The following RAPGEF6 variants were observed in gnomAD, a reference collection of about 807,000 sequenced individuals.
The protein encoded by RAPGEF6 is PDZ domain containing guanine nucleotide exchange factor (GEF) 2.
In RAPGEF6, 56 loss-of-function variants were observed where a neutral mutation model predicts 171.4. That is an observed-to-expected ratio of 0.33 (90% confidence interval 0.26 to 0.41). The LOEUF (loss-of-function observed/expected upper bound fraction) is 0.41, where lower values mean the gene tolerates loss of function less well. RAPGEF6 is among the 10% of genes least tolerant of loss of function. The pLI is 1.00. For missense variants in RAPGEF6, 1,674 were observed against 1,921.4 expected (o/e 0.87, Z 2.41); for synonymous variants, 692 against 650.1 (o/e 1.06, Z -0.98).
chr5:131,447,067 G>C lies in RAPGEF6; in HGVS notation c.3201-364C>G, dbSNP rs150123560. ...ATGGCAAGAGTCTGGACCACGACAA[G>C]TCCATCCTCAGCCGAATCTCTGAAC... On this transcript the variant is annotated intron_variant, in intron 21 of 27. Coordinates refer to ENST00000509018, the MANE Select transcript of RAPGEF6 (RefSeq NM_016340.6). 453 of 185,584 alleles carry C rather than the reference G, an allele frequency of 2.4e-3. 2 individuals carry two copies. The highest frequency in any genetic ancestry group is 3.8e-3 in the Admixed American group (70 of 18,346). The allele number at this position is 185,584 out of a possible 1,614,324, so 11.5% of individuals were successfully genotyped here.
rs1751545390 is a variant in RAPGEF6 at position 131,429,104 on chromosome 5, G to A, written c.4578C>T (p.His1526=). The A allele has an allele frequency of 5.0e-6, 8 of 1,614,158 alleles. No homozygotes were observed. The highest frequency in any genetic ancestry group is 2.2e-5 in the South Asian group (2 of 91,088). Residue 1526 remains histidine (H), a synonymous_variant, in exon 27 of 28, where the codon CAC becomes CAT. Transcript: ENST00000509018. ...LADLKEGPHT[H]LKPPDYSVAV... is the part of the protein sequence containing the mutation. ...CCACACTATAATCTGGAGGTTTTAG[G>A]TGTGTGTGGGGTCCTTCCTTTAGGT...
At position 131,635,125 on chromosome 5, in the gene RAPGEF6, A is replaced by G; in HGVS notation, c.-95T>C. ...GGGTGCGGTACCTTTCCCCCGCCCC[A>G]AGGAGGGAACTTCGCGCCGTAACAA... On this transcript the variant is annotated 5_prime_UTR_variant, in exon 1 of 28. Coordinates refer to ENST00000509018, the MANE Select transcript of RAPGEF6 (RefSeq NM_016340.6). 7.7e-7 allele frequency: 1 copy of G among 1,301,624 alleles called. No individual in the cohort carries two copies. The allele number at this position is 1,301,624 out of a possible 1,614,324, so 80.6% of individuals were successfully genotyped here.
rs111943593 is a variant in RAPGEF6, at chr5:131,456,344, A to G, written c.2865-332T>C. 3.4e-3 allele frequency among the ~76,000 whole-genome samples: 512 copies of G among 152,316 alleles called. 2 individuals are homozygous for G. Among genetic ancestry groups the G allele is most frequent in the African/African-American group, 0.012 (491 of 41,572 alleles). ...TCACAATGTTGCTTGTTTTACTTAG[A>G]AATAACTTTATGGAGACATTACCTA... is the stretch of plus-strand genomic sequence containing the variant. On this transcript the variant is annotated intron_variant, in intron 19 of 27. Transcript: ENST00000509018.
chr5:131,501,875 GTGTA>G (rs1477991198), intron 11 of RAPGEF6, among the ~76,000 whole-genome samples: 1 of 152,102 alleles, frequency 6.6e-6, no homozygotes, highest in Non-Finnish European at 1.5e-5. Flanking sequence ...AGTTATAGAT[GTGTA>G]TGTGTTTATA....
At chr5:131,439,973 TC>T (rs751658923) in intron 23 of RAPGEF6, 32 of 542,326 alleles carry the variant, frequency 5.9e-5, no homozygotes, top group Non-Finnish European at 9.5e-5. Flanking sequence ...ATAAGGGAAA[TC>T]AATTTAACAG....
At chr5:131,449,904 T>C (rs1752950574) in intron 21 of RAPGEF6, 1 of 1,114,008 alleles carries the variant, frequency 9.0e-7, no homozygotes, top group Non-Finnish European at 1.3e-6. Flanking sequence ...GTCAGGAATG[T>C]AGGCTGACAG....
intron 6 of RAPGEF6, among the ~76,000 whole-genome samples, chr5:131,527,588 T>C (rs529035908): frequency 6.6e-6 from 1 of 152,194 alleles, no homozygotes; most frequent in East Asian, 1.9e-4. Flanking sequence ...TTAGGGTACC[T>C]ACTGTTAAGA....
chr5:131,446,619 C>T lies in RAPGEF6; in HGVS notation c.3285G>A (p.Leu1095=), dbSNP rs371885543. The T allele has an allele frequency of 1.2e-6, 2 of 1,614,104 alleles. No individual in the cohort carries two copies. Among genetic ancestry groups the T allele is most frequent in the Non-Finnish European group, 1.7e-6 (2 of 1,180,028 alleles). ...AHKKRARRSS[L]LNAKKLYEDA... is the part of the protein sequence containing the mutation. ...CCTCATATAGCTTCTTGGCATTAAG[C>T]AGAGAGCTGCGGCGTGCCCTTTTTT... The change falls in exon 22 of 28, where the codon CTG becomes CTA. Residue 1095 remains leucine (L), a synonymous_variant. Transcript: ENST00000509018.
chr5:131,493,178 C>T (rs1756406675), intron 13 of RAPGEF6, among the ~76,000 whole-genome samples: 1 of 152,130 alleles, frequency 6.6e-6, no homozygotes, highest in Admixed American at 6.5e-5. Flanking sequence ...CATTCTCCTG[C>T]CTCAGCCTCC....
intron 17 of RAPGEF6, 102 bp downstream of exon 17, chr5:131,472,485 A>C: frequency 7.6e-7 from 1 of 1,317,950 alleles, no homozygotes; most frequent in Non-Finnish European, 1.1e-6. Flanking sequence ...ATCTAGAGTT[A>C]AGAGGGCTGC....
At position 131,505,540 on chromosome 5, in the gene RAPGEF6, G is replaced by A; in HGVS notation, c.943-18C>T. On this transcript the variant is annotated intron_variant, in intron 9 of 27. Transcript: ENST00000509018. ...GAGTCAAGCTATAGAGAAAAACAAA[G>A]GTTTTATGAATCTTTTTAAAAAAGG... 6.3e-7 allele frequency: 1 copy of A among 1,594,792 alleles called. No homozygotes were observed. Among genetic ancestry groups the A allele is most frequent in the Non-Finnish European group, 8.5e-7 (1 of 1,169,612 alleles).
intron 25 of RAPGEF6, 93 bp downstream of exon 25, chr5:131,433,337 C>T: frequency 9.6e-7 from 1 of 1,039,942 alleles, no homozygotes; most frequent in Non-Finnish European, 1.5e-6. Context: ...CTGCAATTAC[C>T]CCATGGGAGG....
At position 131,488,503 on chromosome 5, in the gene RAPGEF6, A is replaced by T. The variant is rs906624451; in HGVS notation, c.1840+1043T>A. Among the ~76,000 whole-genome samples the T allele has an allele frequency of 2.6e-5, 4 of 152,178 alleles. No individual in the cohort carries two copies. In the East Asian group the frequency reaches 7.7e-4, roughly 29 times the overall value. ...AGTTGGCATTTCTAGATATTAGTCG[A>T]AACTCCAGGAAATCAAAAAATTCTG... On this transcript the variant is annotated intron_variant, in intron 15 of 27. Coordinates refer to ENST00000509018, the MANE Select transcript of RAPGEF6 (RefSeq NM_016340.6).
chr5:131,555,989 TG>T lies in RAPGEF6; in HGVS notation c.351+5988del, dbSNP rs559692870. On this transcript the variant is annotated intron_variant, in intron 5 of 27. Coordinates refer to ENST00000509018, the MANE Select transcript of RAPGEF6 (RefSeq NM_016340.6). ...CAACCTGTAAAGCATGTTACTGTAC[TG>T]AACACCATAGGCAATTATAACACAA... 4.3e-4 allele frequency among the ~76,000 whole-genome samples: 65 copies of T among 152,332 alleles called. 3 individuals carry two copies. The highest frequency in any genetic ancestry group is 3.5e-3 in the Admixed American group (53 of 15,304).
At chr5:131,550,076 C>G (rs1463865840) in intron 5 of RAPGEF6, among the ~76,000 whole-genome samples, 1 of 152,158 alleles carries the variant, frequency 6.6e-6, no homozygotes, top group Non-Finnish European at 1.5e-5. Context: ...GTTCAATTCT[C>G]TCTCAGATTG....
At chr5:131,463,815 G>A in intron 18 of RAPGEF6, 7 of 1,181,662 alleles carry the variant, frequency 5.9e-6, no homozygotes, top group Non-Finnish European at 7.4e-6. Flanking sequence ...TATATATGAA[G>A]ATTTGTATCA....
rs185940928 is a variant in RAPGEF6 at position 131,579,958 on chromosome 5, G to A, written c.281+12425C>T. Reference sequence around the variant, plus strand: ...CTCCAAGACCCCACCCGACTCAGGAGCCCAGCTGGCTTTGCCTAGTGGACC... The same window carrying A: ...CTCCAAGACCCCACCCGACTCAGGAACCCAGCTGGCTTTGCCTAGTGGACC... On this transcript the variant is annotated intron_variant, in intron 4 of 27. Transcript: ENST00000509018. 4.6e-3 allele frequency among the ~76,000 whole-genome samples: 696 copies of A among 152,382 alleles called. 5 individuals carry two copies. Among genetic ancestry groups the A allele is most frequent in the African/African-American group, 0.015 (627 of 41,596 alleles).
At chr5:131,544,647 A>G (rs1760388628) in intron 6 of RAPGEF6, among the ~76,000 whole-genome samples, 1 of 152,202 alleles carries the variant, frequency 6.6e-6, no homozygotes, top group South Asian at 2.1e-4. Flanking sequence ...GGTTTATTAT[A>G]CATATGTCAA....
At chr5:131,515,181 T>C (rs965856667) in intron 7 of RAPGEF6, among the ~76,000 whole-genome samples, 1 of 152,224 alleles carries the variant, frequency 6.6e-6, no homozygotes, top group Non-Finnish European at 1.5e-5. Flanking sequence ...TTTTCAAATT[T>C]AGGGCAAGTG....
Sources: allele counts gnomAD v4.1 joint callset (sites outside exome capture counted in the v4.1 genomes callset), GRCh38; gene constraint gnomAD v4.1.1; transcripts MANE v1.5; gene names NCBI Gene and HGNC (gene_info 2026-07-23, HGNC 2026-07-21).